TRIM75: variants seen among roughly 807,000 people sequenced by gnomAD.
TRIM75 encodes tripartite motif containing 75.
the TRIM75 span, among the ~76,000 whole-genome samples, chr4:165,056,700 C>T: frequency 4.0e-5 from 6 of 149,214 alleles, no homozygotes; most frequent in South Asian, 2.1e-4. Flanking sequence ...CCACAACCTC[C>T]GCCTCCCAGG....
the TRIM75 span, among the ~76,000 whole-genome samples, chr4:165,058,618 T>C: frequency 3.9e-5 from 6 of 152,112 alleles, no homozygotes; most frequent in Admixed American, 1.3e-4. Context: ...GTGGGGATTG[T>C]GGTTCCAACT....
the TRIM75 span, among the ~76,000 whole-genome samples, chr4:165,056,297 A>AT: frequency 0.48 from 71,939 of 148,424 alleles, 18,081 homozygotes; most frequent in African/African-American, 0.65. Context: ...AATAAAAATG[A>AT]TTTTTTTTTT....
chr4:165,054,836 T>C, the TRIM75 span, among the ~76,000 whole-genome samples: 1 of 151,904 alleles, frequency 6.6e-6, no homozygotes, highest in Non-Finnish European at 1.5e-5. Flanking sequence ...AGTCAGAAAA[T>C]GAGGTGACTG....
the TRIM75 span, among the ~76,000 whole-genome samples, chr4:165,054,964 A>G: frequency 2.6e-5 from 4 of 152,060 alleles, no homozygotes; most frequent in African/African-American, 9.7e-5. Context: ...GTGGAGGGTT[A>G]GAGCCCTGAT....
At chr4:165,059,328 C>T in the TRIM75 span, 3 of 780,426 alleles carry the variant, frequency 3.8e-6, no homozygotes, top group South Asian at 1.3e-5. Context: ...TCACCAGTGT[C>T]AAGAGGGGCA....
the TRIM75 span, among the ~76,000 whole-genome samples, chr4:165,054,753 T>C: frequency 1.2e-3 from 182 of 152,280 alleles, no homozygotes; most frequent in Non-Finnish European, 2.0e-3. Context: ...CCTGATTTAT[T>C]TACTAGTTTT....
the TRIM75 span, chr4:165,059,890 T>C: frequency 2.4e-5 from 19 of 779,256 alleles, no homozygotes; most frequent in Non-Finnish European, 4.6e-5. Flanking sequence ...GAACTGGAAT[T>C]GCTGTCACAA....
At chr4:165,058,912 C>T in the TRIM75 span, among the ~76,000 whole-genome samples, 1 of 152,116 alleles carries the variant, frequency 6.6e-6, no homozygotes, top group Non-Finnish European at 1.5e-5. Context: ...CTGTGACTGC[C>T]GGCAGGCTGT....
chr4:165,055,911 GTCTC>G, the TRIM75 span, among the ~76,000 whole-genome samples: 3 of 139,592 alleles, frequency 2.1e-5, no homozygotes, highest in African/African-American at 7.9e-5. Context: ...ATGAGACGCT[GTCTC>G]TCTCTCCCTT....
the TRIM75 span, chr4:165,059,272 A>G: frequency 2.6e-6 from 2 of 780,420 alleles, no homozygotes; most frequent in Admixed American, 1.7e-5. Flanking sequence ...TGCATCCAAC[A>G]GTCCTGGCTG....
the TRIM75 span, among the ~76,000 whole-genome samples, chr4:165,054,837 G>A: frequency 2.6e-4 from 39 of 152,186 alleles, no homozygotes; most frequent in Non-Finnish European, 4.9e-4. Flanking sequence ...GTCAGAAAAT[G>A]AGGTGACTGA....
At chr4:165,055,485 C>T in the TRIM75 span, among the ~76,000 whole-genome samples, 2 of 151,814 alleles carry the variant, frequency 1.3e-5, no homozygotes, top group African/African-American at 4.8e-5. Flanking sequence ...GGTTTCTCCA[C>T]GTTGGTTAGG....
the TRIM75 span, chr4:165,059,077 C>T: frequency 1.5e-6 from 1 of 661,362 alleles, no homozygotes; most frequent in Non-Finnish European, 2.8e-6. Context: ...CTGCTTCTCA[C>T]TGAAGAGTAC....
the TRIM75 span, chr4:165,060,310 A>G: frequency 2.6e-6 from 2 of 780,938 alleles, no homozygotes; most frequent in South Asian, 1.3e-5. Flanking sequence ...TGGAGAATTG[A>G]GCTGCAAGAT....
the TRIM75 span, among the ~76,000 whole-genome samples, chr4:165,054,686 TACC>T: frequency 6.6e-6 from 1 of 152,148 alleles, no homozygotes; most frequent in Non-Finnish European, 1.5e-5. Flanking sequence ...AGGCATGAAC[TACC>T]GCGCCTGCGG....
At chr4:165,055,943 T>C in the TRIM75 span, among the ~76,000 whole-genome samples, 3 of 127,270 alleles carry the variant, frequency 2.4e-5, no homozygotes, top group Non-Finnish European at 4.9e-5. Context: ...TTTTTTTGAG[T>C]CTCACTGTAT....
At chr4:165,060,384 A>G in the TRIM75 span, 5 of 780,756 alleles carry the variant, frequency 6.4e-6, no homozygotes, top group Admixed American at 6.8e-5. Flanking sequence ...AGCCAGGGCC[A>G]TTGGCATTTT....
At chr4:165,060,067 T>A in the TRIM75 span, 11 of 780,758 alleles carry the variant, frequency 1.4e-5, no homozygotes, top group Non-Finnish European at 2.4e-5. Flanking sequence ...CACCCTAACC[T>A]GATTGTATCT....
the TRIM75 span, chr4:165,060,107 G>A: frequency 1.3e-6 from 1 of 780,902 alleles, no homozygotes; most frequent in East Asian, 2.4e-5. Context: ...GATTTACAAA[G>A]AGAAAACAAA....
Sources: gnomAD v4.1 joint callset for allele counts (sites outside exome capture counted in the v4.1 genomes callset) on GRCh38, gnomAD v4.1.1 for gene constraint, MANE v1.5 for transcripts, NCBI Gene and HGNC (gene_info 2026-07-23, HGNC 2026-07-21) for gene names.